ENTPD1: variants seen among roughly 807,000 people sequenced by gnomAD.
ENTPD1 encodes the protein ectonucleoside triphosphate diphosphohydrolase 1.
Under a neutral mutation model 57.0 loss-of-function variants are expected in ENTPD1, and 33 were observed. The observed-to-expected ratio is 0.58, with a 90% CI of 0.44 to 0.77. ENTPD1 has a LOEUF of 0.77. Among genes scored for constraint, ENTPD1 ranks in the 30% least tolerant of loss-of-function variants. ENTPD1 has a pLI of 0.00. For missense variants in ENTPD1, 501 were observed against 603.4 expected (o/e 0.83, Z 1.78); for synonymous variants, 202 against 218.8 (o/e 0.92, Z 0.68).
chr10:95,871,388 C>G lies in ENTPD1; in HGVS notation c.*5005C>G, dbSNP rs2098480246. 3.0e-6 allele frequency: 3 copies of G among 985,316 alleles called. No individual in the cohort carries two copies. Among genetic ancestry groups the G allele is most frequent in the Non-Finnish European group, 3.6e-6 (3 of 829,918 alleles). The allele number at this position is 985,316 out of a possible 1,614,324, so 61.0% of individuals were successfully genotyped here. ...TCTTTCCATAGCCTTAATCAGGATG[C>G]TGTGGCAGCTCCCACATTAGCCTCG... On this transcript the variant is annotated 3_prime_UTR_variant, in exon 10 of 10. Transcript: ENST00000371205.
Position 95,866,261 on chromosome 10 carries a change from C to G in ENTPD1, c.1411C>G (p.Pro471Ala), listed in dbSNP as rs1173015974. The change falls in exon 10 of 10, where the codon CCT (proline) becomes GCT (alanine). Residue 471 changes from proline (P) to alanine (A), a missense_variant. Pro to Ala is a conservative substitution (Grantham distance 27). Coordinates refer to ENST00000371205, the MANE Select transcript of ENTPD1 (RefSeq NM_001776.6). ...MIPAEQPLSTPLSHSTYVFLM... is the reference protein window; with the variant it reads ...MIPAEQPLSTALSHSTYVFLM... ...CCCAGCTGAGCAACCATTGTCCACA[C>G]CTCTCTCCCACTCCACCTATGTCTT... The G allele has an allele frequency of 3.1e-6, 5 of 1,614,072 alleles. No homozygotes were observed. The highest frequency in any genetic ancestry group is 2.5e-6 in the Non-Finnish European group (3 of 1,180,038).
intron 1 of ENTPD1, among the ~76,000 whole-genome samples, chr10:95,721,763 C>G (rs564609595): frequency 1.9e-4 from 29 of 152,124 alleles, no homozygotes; most frequent in Non-Finnish European, 3.7e-4. Flanking sequence ...CTTCTATGGT[C>G]CTAATGCTTA....
intron 1 of ENTPD1, among the ~76,000 whole-genome samples, chr10:95,779,882 T>A (rs1057343890): frequency 2.6e-5 from 4 of 152,232 alleles, no homozygotes; most frequent in Admixed American, 2.6e-4. Context: ...TGGTATATAT[T>A]ATTTCATTTG....
Position 95,839,843 on chromosome 10 carries a change from G to A in ENTPD1, c.262+35G>A, listed in dbSNP as rs1329304879. On this transcript the variant is annotated intron_variant, in intron 3 of 9. Transcript: ENST00000371205. ...AGACCAAGGGAAGGGGAGGCCAACAGTGGGGCATGAGAACATGAGAGGTGT... is the reference window on the plus strand; with the variant it reads ...AGACCAAGGGAAGGGGAGGCCAACAATGGGGCATGAGAACATGAGAGGTGT... 11 of 1,602,860 alleles carry A rather than the reference G, an allele frequency of 6.9e-6. No individual in the cohort carries two copies. In the Admixed American group the frequency reaches 1.7e-4, roughly 24 times the overall value.
At chr10:95,713,208 T>C (rs2097967838) in intron 1 of ENTPD1, among the ~76,000 whole-genome samples, 1 of 152,194 alleles carries the variant, frequency 6.6e-6, no homozygotes, top group African/African-American at 2.4e-5. Context: ...CTCCTGGACT[T>C]TTCATGAAGA....
intron 7 of ENTPD1, among the ~76,000 whole-genome samples, chr10:95,852,960 C>G (rs1178105940): frequency 6.6e-6 from 1 of 152,026 alleles, no homozygotes; most frequent in Non-Finnish European, 1.5e-5. Context: ...TTTTCCAATT[C>G]TGTGAAGAAA....
At chr10:95,802,911 A>G (rs959391587) in intron 1 of ENTPD1, among the ~76,000 whole-genome samples, 10 of 152,170 alleles carry the variant, frequency 6.6e-5, no homozygotes, top group African/African-American at 2.2e-4. Flanking sequence ...CGCAATAAAC[A>G]TACGTATGCA....
rs1279666424 is a variant in ENTPD1 at position 95,847,570 on chromosome 10, A to C, written c.938A>C (p.Gln313Pro). Residue 313 changes from glutamine (Q) to proline (P), a missense_variant, in exon 7 of 10, where the codon CAG becomes CCG. By Grantham distance (76) the Gln-to-Pro change is moderately conservative (BLOSUM62 -1). Coordinates refer to ENST00000371205, the MANE Select transcript of ENTPD1 (RefSeq NM_001776.6). ...KRFEMTLPFQ[Q>P]FEIQGIGNYQ... is the part of the protein sequence containing the mutation. ...TTTGAGATGACTCTTCCATTCCAGC[A>C]GTTTGAAATCCAGGGTATTGGAAAC... 1.9e-6 allele frequency: 3 copies of C among 1,614,062 alleles called. No individual in the cohort carries two copies. Among genetic ancestry groups the C allele is most frequent in the Non-Finnish European group, 2.5e-6 (3 of 1,180,032 alleles).
chr10:95,748,563 A>G (rs1000783565), intron 1 of ENTPD1, among the ~76,000 whole-genome samples: 4 of 152,348 alleles, frequency 2.6e-5, no homozygotes, highest in Middle Eastern at 6.8e-3. Flanking sequence ...TCATCTGTAC[A>G]TATTTCTGTG....
intron 2 of ENTPD1, chr10:95,839,481 T>C (rs756279682): frequency 1.5e-5 from 9 of 606,888 alleles, no homozygotes; most frequent in Non-Finnish European, 2.4e-5. Context: ...TGAATATTTC[T>C]AACATGCAAA....
intron 1 of ENTPD1, among the ~76,000 whole-genome samples, chr10:95,758,765 G>A (rs1417679082): frequency 1.3e-5 from 2 of 152,218 alleles, no homozygotes; most frequent in East Asian, 3.8e-4. Flanking sequence ...TAGCCACAGA[G>A]GATGACCATA....
intron 1 of ENTPD1, among the ~76,000 whole-genome samples, chr10:95,714,313 C>T (rs2097969077): frequency 2.0e-5 from 3 of 150,462 alleles, no homozygotes; most frequent in Admixed American, 6.6e-5. Context: ...GACCCTGTCT[C>T]GAAAAAGGAA....
rs541339651 is a variant in ENTPD1, at chr10:95,876,307, C to G, written c.*9924C>G. The G allele has an allele frequency of 1.0e-6, 1 of 984,210 alleles. No homozygotes were observed. The highest frequency in any genetic ancestry group is 1.2e-6 in the Non-Finnish European group (1 of 828,974). The allele number at this position is 984,210 out of a possible 1,614,324, so 61.0% of individuals were successfully genotyped here. A position where few individuals can be genotyped will look rare whatever the true frequency, so the allele number is the denominator to read the frequency against. Reference sequence around the variant, plus strand: ...TTATTAATTATGAAATGACTTTTGGCCTAGTAACAATGAAAATGGGGGCAA... The same window carrying G: ...TTATTAATTATGAAATGACTTTTGGGCTAGTAACAATGAAAATGGGGGCAA... On this transcript the variant is annotated 3_prime_UTR_variant, in exon 10 of 10. Coordinates refer to ENST00000371205, the MANE Select transcript of ENTPD1 (RefSeq NM_001776.6).
At chr10:95,805,781 T>C (rs1163838134) in intron 1 of ENTPD1, among the ~76,000 whole-genome samples, 3 of 152,222 alleles carry the variant, frequency 2.0e-5, no homozygotes, top group Non-Finnish European at 4.4e-5. Context: ...AAATTCTAGG[T>C]CGAAAATTCT....
At chr10:95,842,951 C>T (rs2098425604) in intron 4 of ENTPD1, among the ~76,000 whole-genome samples, 3 of 152,222 alleles carry the variant, frequency 2.0e-5, no homozygotes, top group South Asian at 2.1e-4. Flanking sequence ...ATAGTGCCTG[C>T]TCTATCCAGA....
At chr10:95,800,740 G>A (rs1181718120) in intron 1 of ENTPD1, among the ~76,000 whole-genome samples, 1 of 152,272 alleles carries the variant, frequency 6.6e-6, no homozygotes, top group South Asian at 2.1e-4. Flanking sequence ...AAATATGGCT[G>A]TATTCTGCCC....
chr10:95,779,287 C>A (rs1201131715), intron 1 of ENTPD1, among the ~76,000 whole-genome samples: 2 of 152,150 alleles, frequency 1.3e-5, no homozygotes, highest in Admixed American at 6.5e-5. Context: ...TGTCATGATT[C>A]CTCCACATCT....
At chr10:95,852,469 C>T (rs528340266) in intron 7 of ENTPD1, among the ~76,000 whole-genome samples, 34 of 152,262 alleles carry the variant, frequency 2.2e-4, no homozygotes, top group African/African-American at 7.9e-4. Context: ...CTTTTGTTGC[C>T]ATTGCTTTTG....
At chr10:95,724,048 G>C (rs1321389591) in intron 1 of ENTPD1, among the ~76,000 whole-genome samples, 1 of 151,648 alleles carries the variant, frequency 6.6e-6, no homozygotes, top group African/African-American at 2.4e-5. Context: ...TGTAGTCCCA[G>C]CTGCTGGGGA....
Sources: gnomAD v4.1 joint callset for allele counts (sites outside exome capture counted in the v4.1 genomes callset) on GRCh38, gnomAD v4.1.1 for gene constraint, MANE v1.5 for transcripts, NCBI Gene and HGNC (gene_info 2026-07-23, HGNC 2026-07-21) for gene names.